Variants in TMEM178B observed in about 807,000 individuals in gnomAD.
TMEM178B encodes transmembrane protein 178B.
In TMEM178B, 5 loss-of-function variants were observed where a neutral mutation model predicts 31.0. That is an observed-to-expected ratio of 0.16 (90% confidence interval 0.08 to 0.34). TMEM178B has a LOEUF of 0.34. TMEM178B is among the 10% of genes least tolerant of loss of function. The pLI is 1.00. For synonymous variants in TMEM178B, 164 were observed against 164.0 expected (o/e 1.00, Z 0.00); for missense variants, 275 against 400.3 (o/e 0.69, Z 2.67).
At chr7:141,099,877 T>G (rs1305232690) in intron 1 of TMEM178B, among the ~76,000 whole-genome samples, 1 of 150,186 alleles carries the variant, frequency 6.7e-6, no homozygotes, top group East Asian at 2.0e-4. Flanking sequence ...TCGTCCAGGC[T>G]GGAGTGCAGT....
chr7:141,494,959 C>T, the TMEM178B span, among the ~76,000 whole-genome samples: 3 of 152,048 alleles, frequency 2.0e-5, no homozygotes, highest in African/African-American at 7.2e-5. Context: ...ACTATTGAAG[C>T]CGGGTGGTGG....
At chr7:141,209,985 C>G (rs1182522752) in intron 1 of TMEM178B, among the ~76,000 whole-genome samples, 2 of 151,950 alleles carry the variant, frequency 1.3e-5, no homozygotes, top group African/African-American at 4.8e-5. Context: ...GTGTAAGAGG[C>G]CAACAGAGGG....
chr7:141,253,236 G>A (rs925734802), intron 2 of TMEM178B, among the ~76,000 whole-genome samples: 1 of 152,082 alleles, frequency 6.6e-6, no homozygotes, highest in African/African-American at 2.4e-5. Flanking sequence ...ATCCCTTATT[G>A]GTTCCTTTAA....
chr7:141,145,479 G>A (rs1795836405), intron 1 of TMEM178B, among the ~76,000 whole-genome samples: 1 of 152,174 alleles, frequency 6.6e-6, no homozygotes, highest in Non-Finnish European at 1.5e-5. Context: ...CTTCTTTCTA[G>A]GAACAGAAAG....
intron 2 of TMEM178B, among the ~76,000 whole-genome samples, chr7:141,435,944 G>A (rs1231129277): frequency 1.3e-5 from 2 of 152,104 alleles, no homozygotes; most frequent in African/African-American, 4.8e-5. Flanking sequence ...TCCTTCCTCT[G>A]TAGGCCCCTC....
At chr7:141,455,449 C>G (rs1303847232) in intron 3 of TMEM178B, among the ~76,000 whole-genome samples, 1 of 152,184 alleles carries the variant, frequency 6.6e-6, no homozygotes, top group South Asian at 2.1e-4. Context: ...GAGAGATTCT[C>G]TGCTTATATT....
At chr7:141,286,126 AAAAG>A (rs1397888667) in intron 2 of TMEM178B, among the ~76,000 whole-genome samples, 3 of 152,184 alleles carry the variant, frequency 2.0e-5, no homozygotes, top group African/African-American at 7.2e-5. Flanking sequence ...AAAAGAAAAA[AAAAG>A]AAATTTGGTT....
At chr7:141,374,078 A>G (rs1486796971) in intron 2 of TMEM178B, among the ~76,000 whole-genome samples, 2 of 152,164 alleles carry the variant, frequency 1.3e-5, no homozygotes, top group East Asian at 3.9e-4. Flanking sequence ...CCTGTAGCTG[A>G]TGACATGGGA....
chr7:141,361,361 TA>T (rs141684449), intron 2 of TMEM178B, among the ~76,000 whole-genome samples: 32 of 149,782 alleles, frequency 2.1e-4, no homozygotes, highest in Non-Finnish European at 3.7e-4. Context: ...AAACCAGTAC[TA>T]AAAAAAAAAT....
At chr7:141,257,191 C>T (rs921103986) in intron 2 of TMEM178B, among the ~76,000 whole-genome samples, 5 of 152,166 alleles carry the variant, frequency 3.3e-5, no homozygotes, top group East Asian at 1.9e-4. Context: ...TCAAGAAAGA[C>T]GAAGTGCTCA....
intron 2 of TMEM178B, among the ~76,000 whole-genome samples, chr7:141,392,804 C>G (rs1468948875): frequency 1.3e-5 from 2 of 151,480 alleles, no homozygotes; most frequent in Non-Finnish European, 2.9e-5. Context: ...CTCTAGGTCC[C>G]TGGGAGCCAT....
At chr7:141,150,298 C>T (rs761994443) in intron 1 of TMEM178B, among the ~76,000 whole-genome samples, 3 of 152,106 alleles carry the variant, frequency 2.0e-5, no homozygotes, top group South Asian at 2.1e-4. Context: ...TTTCCAATGT[C>T]GGATATTCTT....
Position 141,194,010 on chromosome 7 carries a change from T to C in TMEM178B, c.383-18581T>C, listed in dbSNP as rs192544540. 2.9e-3 allele frequency among the ~76,000 whole-genome samples: 444 copies of C among 152,250 alleles called. 10 individuals are homozygous for C. The highest frequency in any genetic ancestry group is 1.1e-3 in the Non-Finnish European group (72 of 68,026). Reference sequence around the variant, plus strand: ...AACCCATCAGATCTCGTGAGACATATTCACTATCACAAGAATAGCATGGGA... The same window carrying C: ...AACCCATCAGATCTCGTGAGACATACTCACTATCACAAGAATAGCATGGGA... On this transcript the variant is annotated intron_variant, in intron 1 of 3. Coordinates refer to ENST00000565468, the MANE Select transcript of TMEM178B (RefSeq NM_001195278.2).
intron 2 of TMEM178B, among the ~76,000 whole-genome samples, chr7:141,260,149 C>G (rs189960427): frequency 6.6e-6 from 1 of 152,090 alleles, no homozygotes; most frequent in East Asian, 1.9e-4. Flanking sequence ...ATTTATTTGC[C>G]ACCGAGATTG....
At chr7:141,223,264 A>G (rs1476725189) in intron 2 of TMEM178B, among the ~76,000 whole-genome samples, 2 of 152,130 alleles carry the variant, frequency 1.3e-5, no homozygotes, top group South Asian at 2.1e-4. Flanking sequence ...TAGAGGTGAC[A>G]TTACTATACT....
chr7:141,315,461 C>T (rs1016156046), intron 2 of TMEM178B, among the ~76,000 whole-genome samples: 21 of 152,274 alleles, frequency 1.4e-4, no homozygotes, highest in African/African-American at 4.3e-4. Context: ...GTTTCCTTGT[C>T]TAGAATGCCC....
At chr7:141,411,774 G>A (rs759514527) in intron 2 of TMEM178B, among the ~76,000 whole-genome samples, 6 of 152,148 alleles carry the variant, frequency 3.9e-5, no homozygotes, top group Non-Finnish European at 7.3e-5. Context: ...CATTTAAAAC[G>A]GTTGACATTT....
chr7:141,479,406 G>GTCACCAAGTAGAAC lies in TMEM178B; in HGVS notation c.*8621_*8622insCACCAAGTAGAACT, dbSNP rs1262682188. 6.6e-6 allele frequency: 1 copy of GTCACCAAGTAGAAC among 152,232 alleles called. No homozygotes were observed. Among genetic ancestry groups the GTCACCAAGTAGAAC allele is most frequent in the African/African-American group, 2.4e-5 (1 of 41,464 alleles). The allele number at this position is 152,232 out of a possible 1,614,324, so 9.4% of individuals were successfully genotyped here. On this transcript the variant is annotated 3_prime_UTR_variant, in exon 4 of 4. Transcript: ENST00000565468. ...ACTGGGTCTCCTAGGAGGTGGTGGT[G>GTCACCAAGTAGAAC]TTGGTGACAAGTTCTACTTGGACTG...
At chr7:141,437,268 A>G (rs1014368291) in intron 2 of TMEM178B, among the ~76,000 whole-genome samples, 1 of 152,290 alleles carries the variant, frequency 6.6e-6, no homozygotes. Flanking sequence ...AGCAAATAGG[A>G]ATAAAGATAG....
Sources: gnomAD v4.1 joint callset for allele counts (sites outside exome capture counted in the v4.1 genomes callset) on GRCh38, gnomAD v4.1.1 for gene constraint, MANE v1.5 for transcripts, NCBI Gene and HGNC (gene_info 2026-07-23, HGNC 2026-07-21) for gene names.